CTNNA2: variants seen among roughly 807,000 people sequenced by gnomAD.
CTNNA2 encodes catenin alpha-2.
CTNNA2 carries 42 observed loss-of-function variants against 101.0 expected under a neutral mutation model. The ratio of observed to expected loss-of-function variants is 0.42; its 90% CI spans 0.32 to 0.54. The LOEUF (loss-of-function observed/expected upper bound fraction) is 0.54. CTNNA2 is among the 20% of genes least tolerant of loss of function. CTNNA2 has a pLI of 0.14. For synonymous variants in CTNNA2, 450 were observed against 456.4 expected (o/e 0.99, Z 0.18); for missense variants, 871 against 1,223.1 (o/e 0.71, Z 4.29).
chr2:80,526,521 T>A (rs1014663353), intron 9 of CTNNA2, among the ~76,000 whole-genome samples: 6 of 151,966 alleles, frequency 3.9e-5, no homozygotes, highest in African/African-American at 1.4e-4. Context: ...TTAGTAGAGA[T>A]GGGGTTTCAC....
chr2:80,559,852 T>G lies in CTNNA2; in HGVS notation c.1741+3959T>G, dbSNP rs541939809. 5.8e-5 allele frequency among the ~76,000 whole-genome samples: 8 copies of G among 136,764 alleles called. No individual in the cohort carries two copies. The East Asian group carries it at 6.3e-4, about 11-fold the overall frequency. The allele number at this position is 136,764 out of a possible 152,430, so 89.7% of individuals were successfully genotyped here. A position where few individuals can be genotyped will look rare whatever the true frequency, so the allele number is the denominator to read the frequency against. On this transcript the variant is annotated intron_variant, in intron 12 of 18. Coordinates refer to ENST00000402739, the MANE Select transcript of CTNNA2 (RefSeq NM_001282597.3). ...GTTGCTGCAGGAGGCTGAGGAGGGG[T>G]GAAAGCACATTCAGCGATATCATAT...
chr2:79,542,220 C>T (rs191041890), intron 1 of CTNNA2, among the ~76,000 whole-genome samples: 10 of 152,204 alleles, frequency 6.6e-5, no homozygotes, highest in African/African-American at 2.4e-4. Context: ...GTATTAATCC[C>T]CATTTTTCAT....
intron 14 of CTNNA2, 137 bp downstream of exon 14, chr2:80,581,956 G>A: frequency 1.7e-6 from 1 of 593,488 alleles, no homozygotes; most frequent in Non-Finnish European, 3.0e-6. Flanking sequence ...ATCTGAGGTT[G>A]TTTATAGCAA....
chr2:79,788,954 C>G (rs1025428553), intron 3 of CTNNA2, among the ~76,000 whole-genome samples: 50 of 152,164 alleles, frequency 3.3e-4, no homozygotes, highest in Non-Finnish European at 7.3e-5. Flanking sequence ...AGTTTAATGT[C>G]TAATGGTAAG....
chr2:79,672,046 T>C lies in CTNNA2; in HGVS notation c.102+20388T>C, dbSNP rs560383824. 7.9e-5 allele frequency among the ~76,000 whole-genome samples: 12 copies of C among 152,352 alleles called. No individual in the cohort carries two copies. In the South Asian group the frequency reaches 1.9e-3, roughly 24 times the overall value. On this transcript the variant is annotated intron_variant, in intron 2 of 18. Coordinates refer to ENST00000402739, the MANE Select transcript of CTNNA2 (RefSeq NM_001282597.3). Reference sequence around the variant, plus strand: ...AAATACCTATTTTCTTATTTTATTTTATTTTTATTTTTAGGCTGTGCTTCA... The same window carrying C: ...AAATACCTATTTTCTTATTTTATTTCATTTTTATTTTTAGGCTGTGCTTCA...
chr2:79,762,588 A>C (rs543801470), intron 3 of CTNNA2, among the ~76,000 whole-genome samples: 23 of 152,326 alleles, frequency 1.5e-4, no homozygotes, highest in African/African-American at 5.3e-4. Flanking sequence ...AATAGAAAAA[A>C]AATTGAAGAT....
chr2:80,376,717 T>C (rs1481825985), intron 7 of CTNNA2, among the ~76,000 whole-genome samples: 1 of 152,180 alleles, frequency 6.6e-6, no homozygotes, highest in Non-Finnish European at 1.5e-5. Flanking sequence ...TGATTAGCAA[T>C]TCCCTTCGAG....
At chr2:79,933,691 G>A (rs1687603284) in intron 7 of CTNNA2, among the ~76,000 whole-genome samples, 1 of 152,088 alleles carries the variant, frequency 6.6e-6, no homozygotes, top group Admixed American at 6.6e-5. Flanking sequence ...CTGACCTCAG[G>A]TGATCCACCT....
chr2:79,654,796 A>G, intron 2 of CTNNA2, among the ~76,000 whole-genome samples: 1 of 151,070 alleles, frequency 6.6e-6, no homozygotes, highest in Non-Finnish European at 1.5e-5. Context: ...TTTCTGCAAG[A>G]AGCACCTAAT....
At chr2:79,226,018 A>G (rs1036901336) in intron 2 of CTNNA2, among the ~76,000 whole-genome samples, 1 of 152,146 alleles carries the variant, frequency 6.6e-6, no homozygotes, top group Non-Finnish European at 1.5e-5. Context: ...GACTTGCCCT[A>G]TGTGAGAAAT....
intron 3 of CTNNA2, among the ~76,000 whole-genome samples, chr2:79,358,851 T>C (rs954311513): frequency 7.2e-5 from 11 of 152,194 alleles, no homozygotes; most frequent in Admixed American, 2.0e-4. Flanking sequence ...AAGTTTTCCA[T>C]ACACTTCCAA....
At chr2:80,312,119 A>G (rs1677647805) in intron 7 of CTNNA2, among the ~76,000 whole-genome samples, 1 of 152,258 alleles carries the variant, frequency 6.6e-6, no homozygotes, top group African/African-American at 2.4e-5. Context: ...TAGCATTCGA[A>G]CATAAATTTG....
At chr2:79,873,056 T>A (rs575295106) in intron 5 of CTNNA2, among the ~76,000 whole-genome samples, 53 of 152,368 alleles carry the variant, frequency 3.5e-4, no homozygotes, top group African/African-American at 1.2e-3. Context: ...TCTCTAAACT[T>A]AATGATGAGC....
chr2:79,637,661 A>G (rs966084624), intron 1 of CTNNA2, among the ~76,000 whole-genome samples: 1 of 152,200 alleles, frequency 6.6e-6, no homozygotes, highest in Non-Finnish European at 1.5e-5. Flanking sequence ...AGTTATCTTA[A>G]ACAATACCTT....
chr2:80,008,879 C>T (rs1379645695), intron 7 of CTNNA2, among the ~76,000 whole-genome samples: 4 of 152,160 alleles, frequency 2.6e-5, no homozygotes, highest in African/African-American at 7.2e-5. Context: ...TTATTTAGCA[C>T]ATGATACTGA....
chr2:80,548,063 A>G lies in CTNNA2; in HGVS notation c.1540+2000A>G, dbSNP rs768250350. ...TCCTAATCTTGTAAAAGATACCTCCACAAAATGAATCTCTCATAAGGTATT... is the reference window on the plus strand; with the variant it reads ...TCCTAATCTTGTAAAAGATACCTCCGCAAAATGAATCTCTCATAAGGTATT... On this transcript the variant is annotated intron_variant, in intron 11 of 18. Transcript: ENST00000402739. Among the ~76,000 whole-genome samples, 52 of 152,174 alleles carry G rather than the reference A, an allele frequency of 3.4e-4. 1 individual carries two copies. Among genetic ancestry groups the G allele is most frequent in the Admixed American group, 8.5e-4 (13 of 15,274 alleles).
chr2:79,431,936 A>T (rs1414973591), intron 4 of CTNNA2, among the ~76,000 whole-genome samples: 1 of 152,196 alleles, frequency 6.6e-6, no homozygotes, highest in Non-Finnish European at 1.5e-5. Context: ...AAAATCTCCC[A>T]TGAGGAAATA....
intron 7 of CTNNA2, among the ~76,000 whole-genome samples, chr2:80,071,626 T>C (rs1420841977): frequency 1.3e-5 from 2 of 152,200 alleles, no homozygotes; most frequent in East Asian, 3.9e-4. Flanking sequence ...TGATAAGTCA[T>C]TACAGGCCCT....
chr2:79,959,169 C>T (rs1216366747), intron 7 of CTNNA2, among the ~76,000 whole-genome samples: 1 of 152,086 alleles, frequency 6.6e-6, no homozygotes, highest in Non-Finnish European at 1.5e-5. Context: ...GATCCTCCCA[C>T]CTCAGCCTCC....
Sources: allele counts gnomAD v4.1 joint callset (sites outside exome capture counted in the v4.1 genomes callset), GRCh38; gene constraint gnomAD v4.1.1; transcripts MANE v1.5; gene names NCBI Gene and HGNC (gene_info 2026-07-23, HGNC 2026-07-21).